UBE3D: variants seen among roughly 807,000 people sequenced by gnomAD.
UBE3D encodes the protein E3 ubiquitin-protein ligase E3D.
In UBE3D, 48 loss-of-function variants were observed where a neutral mutation model predicts 49.6. The observed-to-expected ratio is 0.97, with a 90% CI of 0.77 to 1.23. The LOEUF (loss-of-function observed/expected upper bound fraction) is 1.23. Ranked by LOEUF, UBE3D falls within the 50% of genes most tolerant of loss-of-function variation. The pLI is 0.00. For synonymous variants in UBE3D, 189 were observed against 174.2 expected, an observed-to-expected ratio of 1.08 and a Z score of -0.67; for missense variants, 452 against 468.4, an observed-to-expected ratio of 0.96 and a Z score of 0.32.
intron 8 of UBE3D, among the ~76,000 whole-genome samples, chr6:83,009,234 T>C (rs75540329): frequency 1.9e-3 from 282 of 152,332 alleles, no homozygotes; most frequent in African/African-American, 6.6e-3. Flanking sequence ...TAGTATACCC[T>C]GTGAGTTATC....
chr6:82,947,793 G>A (rs1480529577), intron 9 of UBE3D, among the ~76,000 whole-genome samples: 1 of 151,946 alleles, frequency 6.6e-6, no homozygotes, highest in Non-Finnish European at 1.5e-5. Context: ...TCATTAAAAA[G>A]TACATTGAAA....
downstream of UBE3D, among the ~76,000 whole-genome samples, chr6:82,887,396 T>G (rs1490199488): frequency 8.9e-5 from 13 of 145,850 alleles, no homozygotes; most frequent in Non-Finnish European, 1.8e-4. Flanking sequence ...ACAGTTTTTT[T>G]TTTTTTTTTT....
chr6:82,899,471 T>C (rs1307695843), intron 9 of UBE3D, among the ~76,000 whole-genome samples: 1 of 152,218 alleles, frequency 6.6e-6, no homozygotes, highest in Non-Finnish European at 1.5e-5. Flanking sequence ...TATGAAAATT[T>C]ACATATAACT....
intron 5 of UBE3D, chr6:83,036,391 C>T (rs1245325935): frequency 1.3e-5 from 2 of 151,928 alleles, no homozygotes; most frequent in Non-Finnish European, 2.9e-5. Context: ...TTTTATCTTC[C>T]AATTCTTTAA....
At chr6:82,933,412 A>G (rs1343745113) in intron 9 of UBE3D, among the ~76,000 whole-genome samples, 2 of 152,248 alleles carry the variant, frequency 1.3e-5, no homozygotes, top group Admixed American at 6.5e-5. Context: ...GTAAATACAC[A>G]GTCACAATCC....
intron 1 of UBE3D, among the ~76,000 whole-genome samples, chr6:83,062,701 C>T (rs759733136): frequency 2.0e-5 from 3 of 152,196 alleles, no homozygotes; most frequent in Non-Finnish European, 4.4e-5. Flanking sequence ...TAGGGAAATA[C>T]AGTATTTTTA....
chr6:83,024,862 G>A (rs866917516), intron 5 of UBE3D, among the ~76,000 whole-genome samples: 1 of 152,154 alleles, frequency 6.6e-6, no homozygotes, highest in East Asian at 1.9e-4. Context: ...AGGTAGCATC[G>A]TTTTTCGTTG....
chr6:82,885,704 T>A, the UBE3D span, among the ~76,000 whole-genome samples: 2 of 152,210 alleles, frequency 1.3e-5, no homozygotes, highest in African/African-American at 2.4e-5. Flanking sequence ...GCCTGAGCAC[T>A]GAGAAGTCAG....
At chr6:82,908,934 G>A (rs1772300754) in intron 9 of UBE3D, among the ~76,000 whole-genome samples, 1 of 152,186 alleles carries the variant, frequency 6.6e-6, no homozygotes, top group African/African-American at 2.4e-5. Context: ...AGGTGAGTCA[G>A]TCCAGGTTTC....
rs1200096043 is a variant in UBE3D, at chr6:83,024,028, C to G, written c.678G>C (p.Lys226Asn). The change falls in exon 6 of 10, where the codon AAG becomes AAC. Residue 226 changes from lysine (K) to asparagine (N), a missense_variant. By Grantham distance (94) the Lys-to-Asn change is moderately conservative. Transcript: ENST00000369747. ...LGETVSSETT[K>N]FYMTEIIIQS... Reference sequence around the variant, plus strand: ...GAATAATTATCTCTGTCATATAAAACTTGGTGGTTTCTAGAAACAAAAAAG... The same window carrying G: ...GAATAATTATCTCTGTCATATAAAAGTTGGTGGTTTCTAGAAACAAAAAAG... 6.6e-7 allele frequency: 1 copy of G among 1,526,182 alleles called. No homozygotes were observed. Among genetic ancestry groups the G allele is most frequent in the Non-Finnish European group, 8.8e-7 (1 of 1,142,266 alleles). The allele number at this position is 1,526,182 out of a possible 1,614,324, so 94.5% of individuals were successfully genotyped here.
At chr6:82,918,298 A>C (rs548931484) in intron 9 of UBE3D, among the ~76,000 whole-genome samples, 76 of 152,084 alleles carry the variant, frequency 5.0e-4, no homozygotes, top group African/African-American at 1.6e-3. Context: ...AACAAAAAAA[A>C]AACAAAAAAA....
intron 3 of UBE3D, among the ~76,000 whole-genome samples, chr6:83,046,694 C>T (rs930404873): frequency 1.5e-4 from 20 of 137,504 alleles, no homozygotes; most frequent in African/African-American, 1.9e-4. Context: ...GCGGTGGCAC[C>T]GGGGGAGCAG....
intron 6 of UBE3D, 124 bp from the exon 7 acceptor site, chr6:83,022,685 G>A (rs371208139): frequency 7.0e-4 from 380 of 542,672 alleles, no homozygotes; most frequent in Admixed American, 1.4e-3. Context: ...ACTTTTCTAC[G>A]GACTGCTCAT....
rs1461451848 is a variant in UBE3D, at chr6:82,968,457, C to G, written c.1011-11007G>C. Among the ~76,000 whole-genome samples, 6 of 151,952 alleles carry G rather than the reference C, an allele frequency of 3.9e-5. No homozygotes were observed. In the South Asian group the frequency reaches 6.2e-4, roughly 16 times the overall value. ...GGTGTGTATGTCTAAAATACTATAC[C>G]TTGGTTATCTTTTCTCCCAGTTTTC... is the stretch of plus-strand genomic sequence containing the variant. On this transcript the variant is annotated intron_variant, in intron 8 of 9. Coordinates refer to ENST00000369747, the MANE Select transcript of UBE3D (RefSeq NM_198920.3).
chr6:82,950,112 A>G (rs1460735068), intron 9 of UBE3D, among the ~76,000 whole-genome samples: 2 of 152,180 alleles, frequency 1.3e-5, no homozygotes, highest in African/African-American at 4.8e-5. Flanking sequence ...GCACACTACC[A>G]ATCTGACAAG....
intron 8 of UBE3D, among the ~76,000 whole-genome samples, chr6:82,972,480 C>A (rs1777424384): frequency 6.6e-6 from 1 of 152,140 alleles, no homozygotes; most frequent in South Asian, 2.1e-4. Flanking sequence ...TGCAAGAGCC[C>A]TTGATTTTGG....
intron 9 of UBE3D, among the ~76,000 whole-genome samples, chr6:82,956,354 A>G (rs1776156116): frequency 6.6e-6 from 1 of 152,228 alleles, no homozygotes; most frequent in Non-Finnish European, 1.5e-5. Context: ...GCCACAAGTT[A>G]ACATTTAATT....
At chr6:82,969,302 C>T (rs1342012556) in intron 8 of UBE3D, among the ~76,000 whole-genome samples, 2 of 152,030 alleles carry the variant, frequency 1.3e-5, no homozygotes, top group African/African-American at 4.8e-5. Context: ...ACAATAAGAA[C>T]ATCACGATAA....
intron 8 of UBE3D, among the ~76,000 whole-genome samples, chr6:83,004,497 C>A (rs1171510593): frequency 2.0e-5 from 3 of 152,074 alleles, no homozygotes; most frequent in Non-Finnish European, 4.4e-5. Flanking sequence ...TAAGTATATC[C>A]CACACTGCAA....
Sources: allele counts gnomAD v4.1 joint callset (sites outside exome capture counted in the v4.1 genomes callset), GRCh38; gene constraint gnomAD v4.1.1; transcripts MANE v1.5; gene names NCBI Gene and HGNC (gene_info 2026-07-23, HGNC 2026-07-21).